The following NUP98 variants were observed in gnomAD, a reference collection of about 807,000 sequenced individuals.
NUP98 encodes nuclear pore complex protein Nup98-Nup96.
A neutral mutation model predicts 191.9 loss-of-function variants in NUP98; 26 were observed. The ratio of observed to expected loss-of-function variants is 0.14; its 90% CI spans 0.10 to 0.19. The LOEUF (loss-of-function observed/expected upper bound fraction) is 0.19. NUP98 is among the 10% of genes least tolerant of loss of function. The probability of loss-of-function intolerance (pLI) is 1.00; values close to 1 mark genes in which losing one functional copy is unlikely to be tolerated. For synonymous variants in NUP98, 808 were observed against 778.4 expected, an observed-to-expected ratio of 1.04 and a Z score of -0.63; for missense variants, 1,941 against 2,178.8, an observed-to-expected ratio of 0.89 and a Z score of 2.17.
chr11:3,679,696 T>A lies in NUP98; in HGVS notation c.4931A>T (p.Asn1644Ile). 6.2e-7 allele frequency: 1 copy of A among 1,613,736 alleles called. No homozygotes were observed. The highest frequency in any genetic ancestry group is 8.5e-7 in the Non-Finnish European group (1 of 1,179,830). Residue 1644 changes from asparagine (N) to isoleucine (I), a missense_variant, in exon 31 of 33, where the codon AAT becomes ATT. By Grantham distance (149) the Asn-to-Ile change is moderately radical. Transcript: ENST00000324932. Reference protein sequence around the residue: ...IRHLASDAIINENYDYLKGFL... With the variant: ...IRHLASDAIIIENYDYLKGFL... ...CCCCTTCAGGTAGTCATAGTTCTCA[T>A]TAATGATGGCATCTGAAGAAACAAA...
chr11:3,690,473 G>T (rs943225964), intron 28 of NUP98, among the ~76,000 whole-genome samples: 1 of 151,540 alleles, frequency 6.6e-6, no homozygotes, highest in Non-Finnish European at 1.5e-5. Context: ...TGTTAGCCAG[G>T]ATGGTCTCGA....
chr11:3,697,820 T>TA (rs199874258), intron 25 of NUP98, among the ~76,000 whole-genome samples: 1,300 of 97,104 alleles, frequency 0.013, 51 homozygotes, highest in African/African-American at 0.04. Context: ...GACTCTGTCT[T>TA]AAAAAAAAAA....
chr11:3,754,746 A>G (rs917232528), intron 10 of NUP98, among the ~76,000 whole-genome samples: 4 of 152,112 alleles, frequency 2.6e-5, no homozygotes, highest in Non-Finnish European at 5.9e-5. Flanking sequence ...GTTCAACGCC[A>G]GTCTGGCCAA....
chr11:3,768,085 A>T (rs1374909845), intron 8 of NUP98, among the ~76,000 whole-genome samples: 1 of 152,140 alleles, frequency 6.6e-6, no homozygotes, highest in African/African-American at 2.4e-5. Flanking sequence ...TCAACAAGTA[A>T]AGAGTAGAGC....
At chr11:3,743,770 C>T (rs2080380469) in intron 12 of NUP98, among the ~76,000 whole-genome samples, 1 of 150,238 alleles carries the variant, frequency 6.7e-6, no homozygotes, top group Non-Finnish European at 1.5e-5. Context: ...AAAAACACCT[C>T]AGGCTGTGCG....
chr11:3,734,617 C>T (rs1589834942), intron 13 of NUP98, among the ~76,000 whole-genome samples: 1 of 152,152 alleles, frequency 6.6e-6, no homozygotes, highest in African/African-American at 2.4e-5. Flanking sequence ...CTTTTAACAC[C>T]ATGTGAGTAA....
At chr11:3,743,397 A>T (rs1168898285) in intron 12 of NUP98, among the ~76,000 whole-genome samples, 1 of 148,512 alleles carries the variant, frequency 6.7e-6, no homozygotes, top group South Asian at 2.2e-4. Context: ...CTCTAATCCC[A>T]GCACTTTGGG....
chr11:3,725,747 G>T (rs2079593199), intron 14 of NUP98, among the ~76,000 whole-genome samples: 1 of 152,154 alleles, frequency 6.6e-6, no homozygotes, highest in African/African-American at 2.4e-5. Context: ...AGAAAGTATT[G>T]AAGTAAAAAA....
rs774332150 is a variant in NUP98 at position 3,699,114 on chromosome 11, A to G, written c.3977T>C (p.Ile1326Thr). 6.2e-6 allele frequency: 10 copies of G among 1,613,136 alleles called. No individual in the cohort carries two copies. Among genetic ancestry groups the G allele is most frequent in the Non-Finnish European group, 8.5e-6 (10 of 1,180,020 alleles). ...CTGGGCCAGAGAGCAGGCCTCACTG[A>G]TCCTTTTGCCTGTGAGGTAGCTGAA... ...AVFSYLTGKR[I>T]SEACSLAQQS... is the part of the protein sequence containing the mutation. The change falls in exon 25 of 33, where the codon ATC (isoleucine) becomes ACC (threonine). Residue 1326 changes from isoleucine (I) to threonine (T), a missense_variant. Physicochemically the swap from Ile to Thr is moderately conservative, Grantham distance 89 (BLOSUM62 -1). Transcript: ENST00000324932.
At chr11:3,715,357 G>C (rs747808565) in intron 18 of NUP98, among the ~76,000 whole-genome samples, 1 of 152,064 alleles carries the variant, frequency 6.6e-6, no homozygotes, top group Non-Finnish European at 1.5e-5. Context: ...ATGTTGGTCA[G>C]ACTGGGCTCA....
intron 8 of NUP98, among the ~76,000 whole-genome samples, chr11:3,765,442 A>G (rs779762481): frequency 6.6e-6 from 1 of 152,276 alleles, no homozygotes. Flanking sequence ...CCTATCTAAG[A>G]TATTACTGTC....
intron 28 of NUP98, 108 bp from the exon 29 acceptor site, chr11:3,686,302 A>C: frequency 1.1e-6 from 1 of 902,862 alleles, no homozygotes; most frequent in East Asian, 2.6e-5. Context: ...TGAGAGTGAA[A>C]GCATTATAGG....
At chr11:3,781,258 G>A (rs1408649582) in intron 2 of NUP98, 7 of 147,324 alleles carry the variant, frequency 4.8e-5, no homozygotes, top group African/African-American at 1.8e-4. Context: ...ATTCTGTTAA[G>A]ATGCTCTCCT....
At chr11:3,752,803 G>A (rs1298136800) in intron 11 of NUP98, among the ~76,000 whole-genome samples, 1 of 152,128 alleles carries the variant, frequency 6.6e-6, no homozygotes, top group Admixed American at 6.6e-5. Context: ...CAGGTAGAAG[G>A]GTCAGTATCT....
chr11:3,781,969 CT>C (rs2081984595), intron 2 of NUP98, 72 bp downstream of exon 2: 1 of 960,384 alleles, frequency 1.0e-6, no homozygotes, highest in Non-Finnish European at 1.6e-6. Flanking sequence ...CCACCTAAAG[CT>C]TATCAGAGTG....
At chr11:3,683,778 T>G (rs950019501) in intron 29 of NUP98, among the ~76,000 whole-genome samples, 12 of 151,990 alleles carry the variant, frequency 7.9e-5, no homozygotes, top group Admixed American at 5.9e-4. Context: ...CCTCAGGTGA[T>G]CCACCCGCCT....
chr11:3,681,680 T>C (rs947467084), intron 30 of NUP98, among the ~76,000 whole-genome samples: 1 of 152,190 alleles, frequency 6.6e-6, no homozygotes, highest in Non-Finnish European at 1.5e-5. Flanking sequence ...TATAAACAGA[T>C]ATGCTGTCAT....
intron 12 of NUP98, among the ~76,000 whole-genome samples, chr11:3,738,026 C>G (rs1370222023): frequency 6.8e-6 from 1 of 146,462 alleles, no homozygotes; most frequent in Non-Finnish European, 1.5e-5. Flanking sequence ...ATTTAGAAAA[C>G]TGACCTGTCT....
chr11:3,793,256 A>G (rs1392092104), intron 1 of NUP98, among the ~76,000 whole-genome samples: 1 of 152,150 alleles, frequency 6.6e-6, no homozygotes, highest in Non-Finnish European at 1.5e-5. Flanking sequence ...ACAAAACAAC[A>G]TAATATATGT....
Sources: gnomAD v4.1 joint callset for allele counts (sites outside exome capture counted in the v4.1 genomes callset) on GRCh38, gnomAD v4.1.1 for gene constraint, MANE v1.5 for transcripts, NCBI Gene and HGNC (gene_info 2026-07-23, HGNC 2026-07-21) for gene names.